The following ZNF420 variants were observed in gnomAD, a reference collection of about 807,000 sequenced individuals.
The protein encoded by ZNF420 is ATM and p53-associated KZNF protein.
In ZNF420, 31 loss-of-function variants were observed where a neutral mutation model predicts 44.7. The ratio of observed to expected loss-of-function variants is 0.69; its 90% CI spans 0.52 to 0.94. The LOEUF is 0.94. Among genes scored for constraint, ZNF420 ranks in the 40% least tolerant of loss-of-function variants. The pLI is 0.00. For synonymous variants in ZNF420, 245 were observed against 267.4 expected, an observed-to-expected ratio of 0.92 and a Z score of 0.82; for missense variants, 681 against 827.9, an observed-to-expected ratio of 0.82 and a Z score of 2.18.
intron 4 of ZNF420, among the ~76,000 whole-genome samples, chr19:37,123,153 C>T (rs1001051033): frequency 5.3e-5 from 8 of 152,278 alleles, no homozygotes; most frequent in African/African-American, 1.7e-4. Context: ...CTAATGATAC[C>T]TCACTTCCTC....
intron 1 of ZNF420, among the ~76,000 whole-genome samples, chr19:37,028,721 A>C (rs946832440): frequency 2.0e-5 from 3 of 152,174 alleles, no homozygotes; most frequent in Non-Finnish European, 4.4e-5. Flanking sequence ...CTTCCCTAAA[A>C]TGCTCAGTTC....
chr19:37,127,267 C>T lies in ZNF420; in HGVS notation c.276C>T (p.Ala92=). Residue 92 remains alanine, a synonymous_variant, in exon 5 of 5, where the codon GCC becomes GCT. Transcript: ENST00000337995. Reference sequence around the variant, plus strand: ...CCAATTCCAGGGATTATTTGGAAGCCAAAGGCAAGATGGAGAAGCAACAAG... The same window carrying T: ...CCAATTCCAGGGATTATTTGGAAGCTAAAGGCAAGATGGAGAAGCAACAAG... The part of the protein sequence containing the change: ...EESNSRDYLE[A]KGKMEKQQEN... 1 of 1,613,428 alleles carries T rather than the reference C, an allele frequency of 6.2e-7. No individual in the cohort carries two copies. Among genetic ancestry groups the T allele is most frequent in the Non-Finnish European group, 8.5e-7 (1 of 1,179,718 alleles).
Position 37,129,906 on chromosome 19 carries a change from A to G in ZNF420, c.*848A>G. 7.8e-7 allele frequency: 1 copy of G among 1,277,772 alleles called. No individual in the cohort carries two copies. Among genetic ancestry groups the G allele is most frequent in the Non-Finnish European group, 1.0e-6 (1 of 967,884 alleles). 79.2% of individuals were successfully genotyped at this position (1,277,772 alleles called of 1,614,324 possible). A position where few individuals can be genotyped will look rare whatever the true frequency, so the allele number is the denominator to read the frequency against. ...ACTTGAATGTATTGCTTTTGAAGTA[A>G]ACAAAATAACTGATATTACAGACTA... is the stretch of plus-strand genomic sequence containing the variant. On this transcript the variant is annotated 3_prime_UTR_variant, in exon 5 of 5. Transcript: ENST00000337995.
intron 4 of ZNF420, among the ~76,000 whole-genome samples, chr19:37,105,311 A>G (rs940397258): frequency 2.0e-5 from 3 of 152,196 alleles, no homozygotes; most frequent in African/African-American, 7.2e-5. Flanking sequence ...ATGGTTGTAG[A>G]TGGGTGGTAT....
chr19:37,044,693 C>G (rs1967513882), intron 1 of ZNF420, among the ~76,000 whole-genome samples: 1 of 152,002 alleles, frequency 6.6e-6, no homozygotes, highest in Admixed American at 6.6e-5. Context: ...TGGTGAAACC[C>G]CATCTCTACT....
intron 4 of ZNF420, among the ~76,000 whole-genome samples, chr19:37,125,684 A>G (rs1261710138): frequency 1.3e-5 from 2 of 152,202 alleles, no homozygotes; most frequent in African/African-American, 4.8e-5. Context: ...ATTGAGTGCT[A>G]GACATCACAA....
intron 4 of ZNF420, among the ~76,000 whole-genome samples, chr19:37,124,268 G>A (rs926595045): frequency 1.2e-4 from 19 of 152,166 alleles, no homozygotes; most frequent in African/African-American, 4.3e-4. Flanking sequence ...TTCTGTTATT[G>A]TTGAGTAATG....
At chr19:37,022,299 A>C (rs1334062565) in intron 1 of ZNF420, among the ~76,000 whole-genome samples, 1 of 151,970 alleles carries the variant, frequency 6.6e-6, no homozygotes, top group South Asian at 2.1e-4. Flanking sequence ...AAAGTGTAAA[A>C]ATTGCAAACT....
chr19:37,082,306 G>A (rs533546693), intron 2 of ZNF420, among the ~76,000 whole-genome samples: 1 of 152,148 alleles, frequency 6.6e-6, no homozygotes, highest in East Asian at 1.9e-4. Flanking sequence ...GGGATTACAG[G>A]CACACACCAC....
intron 4 of ZNF420, among the ~76,000 whole-genome samples, chr19:37,113,612 G>C (rs1027111420): frequency 6.6e-6 from 1 of 152,208 alleles, no homozygotes; most frequent in African/African-American, 2.4e-5. Context: ...TCAGGGTAGG[G>C]CTCCTTTAGC....
At chr19:37,045,379 ATTTGT>A (rs1199500829) in intron 1 of ZNF420, among the ~76,000 whole-genome samples, 1 of 152,150 alleles carries the variant, frequency 6.6e-6, no homozygotes, top group Non-Finnish European at 1.5e-5. Flanking sequence ...ACGTTTTGTT[ATTTGT>A]TTTGTTTTGT....
At chr19:37,038,542 T>C (rs1967397179) in intron 1 of ZNF420, among the ~76,000 whole-genome samples, 1 of 152,218 alleles carries the variant, frequency 6.6e-6, no homozygotes, top group South Asian at 2.1e-4. Context: ...TATGGAATAT[T>C]GTAAGTCCTT....
rs191996624 is a variant in ZNF420, at chr19:37,083,102, G to A, written c.-81+2714G>A. Among the ~76,000 whole-genome samples the A allele has an allele frequency of 3.4e-3, 514 of 150,844 alleles. 5 individuals carry two copies. Among genetic ancestry groups the A allele is most frequent in the Non-Finnish European group, 4.4e-3 (301 of 67,878 alleles). On this transcript the variant is annotated intron_variant, in intron 2 of 4. Transcript: ENST00000337995. ...TCTCGATCTCCTGACCTTGTGATCCGCCCACCTCTGCCTCCCAAAGTGCTG... is the reference window on the plus strand; with the variant it reads ...TCTCGATCTCCTGACCTTGTGATCCACCCACCTCTGCCTCCCAAAGTGCTG...
At chr19:37,050,823 C>G (rs1967626281) in intron 1 of ZNF420, among the ~76,000 whole-genome samples, 1 of 152,160 alleles carries the variant, frequency 6.6e-6, no homozygotes, top group Middle Eastern at 3.2e-3. Flanking sequence ...CAGTTTTTGT[C>G]CATTCAGTAT....
At chr19:37,100,529 A>G (rs375085210) in intron 4 of ZNF420, among the ~76,000 whole-genome samples, 1 of 152,124 alleles carries the variant, frequency 6.6e-6, no homozygotes. Flanking sequence ...CCTGGCCAAC[A>G]TGGCGAAACC....
At chr19:37,019,316 C>CT (rs2074629495) in intron 1 of ZNF420, among the ~76,000 whole-genome samples, 1 of 152,092 alleles carries the variant, frequency 6.6e-6, no homozygotes, top group African/African-American at 2.4e-5. Flanking sequence ...CTAATCAAAT[C>CT]TATAAGGAGA....
At chr19:37,088,898 C>T in intron 2 of ZNF420, 141 bp from the exon 3 acceptor site, 8 of 519,832 alleles carry the variant, frequency 1.5e-5, no homozygotes, top group East Asian at 3.0e-5. Context: ...AGTTAAGAAC[C>T]ACAACATATG....
At chr19:37,094,304 C>T (rs1032741473) in intron 4 of ZNF420, among the ~76,000 whole-genome samples, 2 of 152,036 alleles carry the variant, frequency 1.3e-5, no homozygotes, top group South Asian at 2.1e-4. Flanking sequence ...AAACTTTCTC[C>T]CTCCTTAATG....
intron 1 of ZNF420, among the ~76,000 whole-genome samples, chr19:37,013,801 C>T (rs1180028732): frequency 1.3e-5 from 2 of 152,214 alleles, no homozygotes; most frequent in Non-Finnish European, 2.9e-5. Flanking sequence ...TCCAGGGACT[C>T]CTGTATCCTG....
Sources: allele counts gnomAD v4.1 joint callset (sites outside exome capture counted in the v4.1 genomes callset), GRCh38; gene constraint gnomAD v4.1.1; transcripts MANE v1.5; gene names NCBI Gene and HGNC (gene_info 2026-07-23, HGNC 2026-07-21).